The following MYCT1 variants were observed in gnomAD, a reference collection of about 807,000 sequenced individuals.
The protein encoded by MYCT1 is myc target protein 1.
Under a neutral mutation model 15.0 loss-of-function variants are expected in MYCT1, and 12 were observed. The ratio of observed to expected loss-of-function variants is 0.80; its 90% CI spans 0.51 to 1.29. The LOEUF (loss-of-function observed/expected upper bound fraction) is 1.29. Among genes scored for constraint, MYCT1 ranks in the 50% most tolerant of loss-of-function variants. The pLI, the probability that MYCT1 is intolerant of heterozygous loss-of-function variation, is 0.00. For missense variants in MYCT1, 287 were observed against 279.1 expected (o/e 1.03, Z -0.20); for synonymous variants, 104 against 102.7 (o/e 1.01, Z -0.07).
chr6:152,726,929 A>G (rs2099725769), downstream of MYCT1, among the ~76,000 whole-genome samples: 1 of 152,066 alleles, frequency 6.6e-6, no homozygotes, highest in South Asian at 2.1e-4. Flanking sequence ...ACTTCTTCTC[A>G]ACTCACTTAA....
chr6:152,705,203 C>T (rs560201812), intron 1 of MYCT1, among the ~76,000 whole-genome samples: 1 of 152,290 alleles, frequency 6.6e-6, no homozygotes, highest in East Asian at 1.9e-4. Flanking sequence ...AACATCATAG[C>T]TTAGCATAGC....
chr6:152,745,256 A>G, the MYCT1 span, among the ~76,000 whole-genome samples: 1 of 152,148 alleles, frequency 6.6e-6, no homozygotes, highest in Non-Finnish European at 1.5e-5. Context: ...GTGAGTATAT[A>G]TTTTCACAGG....
chr6:152,708,605 A>G (rs1039701245), intron 1 of MYCT1, among the ~76,000 whole-genome samples: 1 of 152,076 alleles, frequency 6.6e-6, no homozygotes, highest in Middle Eastern at 3.2e-3. Context: ...TACATATTAA[A>G]TCTATATAAA....
intron 1 of MYCT1, among the ~76,000 whole-genome samples, chr6:152,720,610 A>G (rs564824708): frequency 9.2e-5 from 14 of 152,216 alleles, no homozygotes; most frequent in Non-Finnish European, 1.9e-4. Flanking sequence ...GTAGAGCTTG[A>G]AGAATGAGTT....
chr6:152,728,568 A>G (rs140987301), downstream of MYCT1, among the ~76,000 whole-genome samples: 1 of 152,102 alleles, frequency 6.6e-6, no homozygotes, highest in African/African-American at 2.4e-5. Flanking sequence ...CTTTAACAAC[A>G]CTGAAAGTGG....
chr6:152,738,481 T>C, the MYCT1 span, among the ~76,000 whole-genome samples: 1 of 152,170 alleles, frequency 6.6e-6, no homozygotes, highest in Non-Finnish European at 1.5e-5. Flanking sequence ...CTAGAGGTTT[T>C]CAGGATTTCA....
intron 1 of MYCT1, among the ~76,000 whole-genome samples, chr6:152,705,099 T>A (rs886170815): frequency 9.8e-5 from 15 of 152,296 alleles, no homozygotes; most frequent in African/African-American, 3.6e-4. Flanking sequence ...GCAGTACAGA[T>A]GCTCGTCCAT....
rs141326902 is a variant in MYCT1 at position 152,722,175 on chromosome 6, T to A, written c.630T>A (p.Ser210Arg). 1.9e-6 allele frequency: 3 copies of A among 1,614,046 alleles called. No homozygotes were observed. The highest frequency in any genetic ancestry group is 2.5e-6 in the Non-Finnish European group (3 of 1,180,028). The change falls in exon 2 of 2, where the codon AGT (serine) becomes AGA (arginine). Residue 210 changes from serine (S) to arginine (R), a missense_variant. Physicochemically the swap from Ser to Arg is moderately radical, Grantham distance 110. Transcript: ENST00000367245. Reference protein sequence around the residue: ...HSLSRPDYWSSNSLRVGLSTP... With the variant: ...HSLSRPDYWSRNSLRVGLSTP... ...TGAGCCGTCCTGACTACTGGTCCAG[T>A]AACAGTCTTCGAGTGGGCCTTTCAA...
chr6:152,721,620 C>A (rs2129070685), intron 1 of MYCT1, 122 bp from the exon 2 acceptor site: 1 of 908,270 alleles, frequency 1.1e-6, no homozygotes, highest in Non-Finnish European at 1.6e-6. Context: ...TTCTATTTCC[C>A]TAATTCAAAG....
the MYCT1 span, among the ~76,000 whole-genome samples, chr6:152,741,589 T>C: frequency 6.6e-6 from 1 of 152,022 alleles, no homozygotes; most frequent in Non-Finnish European, 1.5e-5. Context: ...ACAGATAAAA[T>C]GCAATAAAAG....
chr6:152,703,940 TTTTTATTTTATTTTATTTTATTTTA>T (rs200449869), intron 1 of MYCT1, among the ~76,000 whole-genome samples: 1,403 of 123,090 alleles, frequency 0.011, 14 homozygotes, highest in Middle Eastern at 0.032. Context: ...TTTTCCCTGT[TTTTTATTTTATTTTATTTTATTTTA>T]TTTTATTTTA....
chr6:152,702,306 C>T (rs182886843), intron 1 of MYCT1, among the ~76,000 whole-genome samples: 1 of 152,236 alleles, frequency 6.6e-6, no homozygotes. Context: ...CTGAACCAAA[C>T]AAAGAAACTC....
At chr6:152,729,861 G>C in the MYCT1 span, among the ~76,000 whole-genome samples, 2 of 152,206 alleles carry the variant, frequency 1.3e-5, no homozygotes, top group East Asian at 3.9e-4. Context: ...GGTAGATCCA[G>C]TGGCCTTTGC....
chr6:152,732,126 A>G, the MYCT1 span, among the ~76,000 whole-genome samples: 4 of 152,326 alleles, frequency 2.6e-5, no homozygotes, highest in East Asian at 3.9e-4. Flanking sequence ...TCTGACATAC[A>G]GACTTTTGTT....
chr6:152,745,937 G>A, the MYCT1 span, among the ~76,000 whole-genome samples: 1 of 152,144 alleles, frequency 6.6e-6, no homozygotes, highest in South Asian at 2.1e-4. Context: ...AGCCAAGTTA[G>A]CCTCTATTGT....
intron 1 of MYCT1, among the ~76,000 whole-genome samples, chr6:152,700,960 G>A (rs570046591): frequency 4.6e-5 from 7 of 152,196 alleles, no homozygotes; most frequent in East Asian, 3.9e-4. Context: ...GCAATTATGC[G>A]TCTATACATA....
At chr6:152,742,742 C>T in the MYCT1 span, among the ~76,000 whole-genome samples, 2 of 152,078 alleles carry the variant, frequency 1.3e-5, no homozygotes, top group Non-Finnish European at 2.9e-5. Flanking sequence ...ATTGATTTCC[C>T]CCATCACACA....
At chr6:152,702,406 T>C (rs891926557) in intron 1 of MYCT1, among the ~76,000 whole-genome samples, 11 of 152,216 alleles carry the variant, frequency 7.2e-5, no homozygotes, top group African/African-American at 2.7e-4. Context: ...TTTAAAAAAT[T>C]ATTTAGTAAT....
downstream of MYCT1, among the ~76,000 whole-genome samples, chr6:152,727,934 CG>C (rs2099725941): frequency 6.6e-6 from 1 of 152,166 alleles, no homozygotes; most frequent in Admixed American, 6.5e-5. Context: ...TAGACGGAGA[CG>C]GGCAGATCAC....
Sources: gnomAD v4.1 joint callset for allele counts (sites outside exome capture counted in the v4.1 genomes callset) on GRCh38, gnomAD v4.1.1 for gene constraint, MANE v1.5 for transcripts, NCBI Gene and HGNC (gene_info 2026-07-23, HGNC 2026-07-21) for gene names.